The following GALNT7 variants were observed in gnomAD, a reference collection of about 807,000 sequenced individuals.
GALNT7 encodes N-acetylgalactosaminyltransferase 7.
A neutral mutation model predicts 82.1 loss-of-function variants in GALNT7; 60 were observed. The observed-to-expected ratio is 0.73, with a 90% confidence interval of 0.59 to 0.91. The LOEUF (loss-of-function observed/expected upper bound fraction) is 0.91. Ranked by LOEUF, GALNT7 falls within the 40% of genes least tolerant of loss-of-function variation. GALNT7 has a pLI of 0.00. For synonymous variants in GALNT7, 243 were observed against 275.1 expected (o/e 0.88, Z 1.15); for missense variants, 660 against 804.2 (o/e 0.82, Z 2.17).
At chr4:173,181,920 A>G (rs1732261303) in intron 1 of GALNT7, among the ~76,000 whole-genome samples, 1 of 152,232 alleles carries the variant, frequency 6.6e-6, no homozygotes, top group Admixed American at 6.5e-5. Context: ...CTCTTGTTTG[A>G]TCAGCCTATA....
At chr4:173,253,049 A>G (rs1336550170) in intron 2 of GALNT7, among the ~76,000 whole-genome samples, 1 of 152,008 alleles carries the variant, frequency 6.6e-6, no homozygotes, top group Non-Finnish European at 1.5e-5. Context: ...AAAATACAAA[A>G]AAATCAGCTG....
chr4:173,260,268 T>C (rs1735212524), intron 2 of GALNT7, among the ~76,000 whole-genome samples: 1 of 152,200 alleles, frequency 6.6e-6, no homozygotes, highest in Admixed American at 6.5e-5. Context: ...AATTTAAGCT[T>C]TTAAATAATT....
chr4:173,283,623 G>A (rs186965328), intron 2 of GALNT7, among the ~76,000 whole-genome samples: 300 of 141,510 alleles, frequency 2.1e-3, no homozygotes, highest in Middle Eastern at 7.4e-3. Flanking sequence ...GCGACAGAGC[G>A]AAACTCTGTC....
chr4:173,251,635 C>T (rs558169413), intron 2 of GALNT7, among the ~76,000 whole-genome samples: 2 of 152,290 alleles, frequency 1.3e-5, no homozygotes, highest in South Asian at 4.1e-4. Flanking sequence ...CCTCCTTGCA[C>T]CCCGCAGTTT....
chr4:173,242,129 G>A (rs1258420473), intron 1 of GALNT7, among the ~76,000 whole-genome samples: 7 of 152,028 alleles, frequency 4.6e-5, no homozygotes, highest in African/African-American at 1.7e-4. Context: ...TTTTAGTGGA[G>A]CATTATGATG....
chr4:173,213,935 A>G (rs1733360933), intron 1 of GALNT7, among the ~76,000 whole-genome samples: 1 of 152,082 alleles, frequency 6.6e-6, no homozygotes, highest in South Asian at 2.1e-4. Flanking sequence ...AGCACCTTTG[A>G]TTTTAGACTG....
chr4:173,241,078 A>G (rs1391642773), intron 1 of GALNT7, among the ~76,000 whole-genome samples: 5 of 152,126 alleles, frequency 3.3e-5, no homozygotes, highest in Non-Finnish European at 7.4e-5. Context: ...TTGACAAAAA[A>G]TAGTTGATTA....
intron 1 of GALNT7, among the ~76,000 whole-genome samples, chr4:173,232,964 C>G (rs1457853871): frequency 2.0e-5 from 3 of 152,158 alleles, no homozygotes; most frequent in African/African-American, 4.8e-5. Context: ...TTTTTTAGCT[C>G]TCGCGTATGA....
intron 1 of GALNT7, among the ~76,000 whole-genome samples, chr4:173,185,451 A>C (rs1406254571): frequency 6.6e-6 from 1 of 152,188 alleles, no homozygotes; most frequent in African/African-American, 2.4e-5. Flanking sequence ...TTTTGGGGAA[A>C]AGAAGCTAGT....
At chr4:173,224,826 C>T (rs1733759887) in intron 1 of GALNT7, among the ~76,000 whole-genome samples, 1 of 151,620 alleles carries the variant, frequency 6.6e-6, no homozygotes, top group South Asian at 2.1e-4. Flanking sequence ...TCCTGGCTAA[C>T]ACGGTGAAAC....
chr4:173,260,057 T>C (rs1246518151), intron 2 of GALNT7, among the ~76,000 whole-genome samples: 3 of 152,002 alleles, frequency 2.0e-5, no homozygotes, highest in Non-Finnish European at 4.4e-5. Context: ...TTTTACAGTA[T>C]ACTTATCAGG....
chr4:173,172,138 G>A (rs368768372), intron 1 of GALNT7, among the ~76,000 whole-genome samples: 79 of 152,286 alleles, frequency 5.2e-4, no homozygotes, highest in Non-Finnish European at 7.6e-4. Context: ...AAGGCCATGT[G>A]GGCTACTTGA....
intron 1 of GALNT7, among the ~76,000 whole-genome samples, chr4:173,240,453 C>T (rs1363524405): frequency 2.7e-5 from 4 of 148,568 alleles, no homozygotes. Flanking sequence ...ACTGCAACCT[C>T]TGCCTCCCGA....
chr4:173,241,337 G>A (rs1389975566), intron 1 of GALNT7, among the ~76,000 whole-genome samples: 4 of 152,116 alleles, frequency 2.6e-5, no homozygotes, highest in African/African-American at 9.7e-5. Flanking sequence ...AATGATGTGG[G>A]AGAAATTGCA....
intron 2 of GALNT7, among the ~76,000 whole-genome samples, chr4:173,289,653 C>T (rs1274984041): frequency 2.0e-5 from 3 of 152,166 alleles, no homozygotes; most frequent in African/African-American, 4.8e-5. Flanking sequence ...TAGGTAAGCC[C>T]CCATCCTCTC....
At chr4:173,243,932 A>G (rs1734522523) in intron 1 of GALNT7, among the ~76,000 whole-genome samples, 1 of 152,066 alleles carries the variant, frequency 6.6e-6, no homozygotes, top group South Asian at 2.1e-4. Flanking sequence ...AAATTTTAGG[A>G]TTCATTCATT....
At chr4:173,198,738 A>G (rs902340239) in intron 1 of GALNT7, among the ~76,000 whole-genome samples, 2 of 152,226 alleles carry the variant, frequency 1.3e-5, no homozygotes, top group African/African-American at 4.8e-5. Context: ...TCTGTGTGCC[A>G]CAGACACCTT....
intron 1 of GALNT7, among the ~76,000 whole-genome samples, chr4:173,241,459 G>C (rs989388275): frequency 1.3e-5 from 2 of 152,102 alleles, no homozygotes; most frequent in Non-Finnish European, 2.9e-5. Context: ...TTATTGTGTT[G>C]ATACAGATGG....
chr4:173,220,471 C>T (rs776021576), intron 1 of GALNT7, among the ~76,000 whole-genome samples: 20 of 151,880 alleles, frequency 1.3e-4, no homozygotes, highest in Non-Finnish European at 1.9e-4. Flanking sequence ...ATTGGCTATG[C>T]GAGCTCTTTT....
Sources: allele counts gnomAD v4.1 joint callset (sites outside exome capture counted in the v4.1 genomes callset), GRCh38; gene constraint gnomAD v4.1.1; transcripts MANE v1.5; gene names NCBI Gene and HGNC (gene_info 2026-07-23, HGNC 2026-07-21).